NARF: variants seen among roughly 807,000 people sequenced by gnomAD.
The protein encoded by NARF is nuclear prelamin A recognition factor, also known as iron-only hydrogenase-like protein 2.
A neutral mutation model predicts 48.0 loss-of-function variants in NARF; 41 were observed. The observed-to-expected ratio is 0.85, with a 90% confidence interval of 0.66 to 1.11. The LOEUF (loss-of-function observed/expected upper bound fraction) is 1.11, where lower values mean the gene tolerates loss of function less well. Ranked by LOEUF, NARF falls within the 50% of genes least tolerant of loss-of-function variation. The pLI, the probability that NARF is intolerant of heterozygous loss-of-function variation, is 0.00. For missense variants in NARF, 613 were observed against 590.2 expected, an observed-to-expected ratio of 1.04 and a Z score of -0.40; for synonymous variants, 215 against 225.5, an observed-to-expected ratio of 0.95 and a Z score of 0.42.
chr17:82,471,475 A>G (rs1245396746), intron 4 of NARF, among the ~76,000 whole-genome samples: 1 of 147,084 alleles, frequency 6.8e-6, no homozygotes, highest in Non-Finnish European at 1.5e-5. Context: ...AAAAAAATTC[A>G]GTATAAAAAT....
chr17:82,479,154 G>A (rs1258808190), intron 6 of NARF: 2 of 378,184 alleles, frequency 5.3e-6, no homozygotes, highest in South Asian at 3.3e-5. Context: ...GTGGCATCTG[G>A]TGGTTTTCCT....
rs74398777 is a variant in NARF at position 82,479,010 on chromosome 17, G to A, written c.639+92G>A. ...AGGGGAGGTTCCCCATCTGTCCAGC[G>A]TGGTCACGGCCCCCCAGGTGAGCAA... is the stretch of plus-strand genomic sequence containing the variant. On this transcript the variant is annotated intron_variant, in intron 6 of 10. Transcript: ENST00000309794. 85 of 1,245,690 alleles carry A rather than the reference G, an allele frequency of 6.8e-5. 1 individual carries two copies. Among genetic ancestry groups the A allele is most frequent in the South Asian group, 1.9e-4 (13 of 69,124 alleles). 77.2% of individuals were successfully genotyped at this position (1,245,690 alleles called of 1,614,324 possible). A position where few individuals can be genotyped will look rare whatever the true frequency, so the allele number is the denominator to read the frequency against.
chr17:82,480,204 C>G (rs112561949), intron 6 of NARF, among the ~76,000 whole-genome samples: 1 of 152,210 alleles, frequency 6.6e-6, no homozygotes, highest in Admixed American at 6.5e-5. Context: ...GGCACCTGCT[C>G]TGTGTGGACC....
intron 4 of NARF, among the ~76,000 whole-genome samples, chr17:82,470,291 G>A (rs1025090334): frequency 3.9e-5 from 6 of 152,016 alleles, no homozygotes; most frequent in African/African-American, 9.7e-5. Flanking sequence ...ACGTTAGGTC[G>A]CTCCTTCATG....
At chr17:82,466,485 C>T (rs1468215133) in intron 3 of NARF, among the ~76,000 whole-genome samples, 3 of 152,102 alleles carry the variant, frequency 2.0e-5, no homozygotes, top group Non-Finnish European at 4.4e-5. Context: ...TGGAGTCTCT[C>T]ACTGTCTCTC....
At position 82,485,487 on chromosome 17, in the gene NARF, C is replaced by T; in HGVS notation, c.972-10C>T. The T allele has an allele frequency of 6.2e-7, 1 of 1,613,268 alleles. No homozygotes were observed. Among genetic ancestry groups the T allele is most frequent in the Non-Finnish European group, 8.5e-7 (1 of 1,179,526 alleles). On this transcript the variant is annotated splice_polypyrimidine_tract_variant and intron_variant, in intron 9 of 10. Transcript: ENST00000309794. Reference sequence around the variant, plus strand: ...TTGATGGATCAAAATTCTCTGTGTTCATTTTGTAGAAACAAAGACTTCCAA... The same window carrying T: ...TTGATGGATCAAAATTCTCTGTGTTTATTTTGTAGAAACAAAGACTTCCAA...
At chr17:82,465,340 A>T (rs925243493) in intron 3 of NARF, among the ~76,000 whole-genome samples, 6 of 152,182 alleles carry the variant, frequency 3.9e-5, no homozygotes, top group Non-Finnish European at 7.3e-5. Flanking sequence ...AAGGCAGATG[A>T]GGCTGAAAAG....
chr17:82,483,815 C>T (rs1263984190), intron 8 of NARF, 36 bp downstream of exon 8: 3 of 1,600,800 alleles, frequency 1.9e-6, no homozygotes, highest in Non-Finnish European at 1.7e-6. Context: ...CTCTGGGGGG[C>T]AGGACCTCTC....
rs753217018 is a variant in NARF at position 82,478,827 on chromosome 17, T to C, written c.548T>C (p.Leu183Pro). ...PGWVRYAERVLGRPITAHLCT... is the reference protein window; with the variant it reads ...PGWVRYAERVPGRPITAHLCT... ...TGGGTCCGATACGCCGAGCGGGTGC[T>C]GGGTCGCCCCATCACTGCCCACCTC... The change falls in exon 6 of 11, where the codon CTG (leucine) becomes CCG (proline). Residue 183 changes from leucine (L) to proline (P), a missense_variant. Coordinates refer to ENST00000309794, the MANE Select transcript of NARF (RefSeq NM_012336.4). 4.3e-6 allele frequency: 7 copies of C among 1,613,872 alleles called. No individual in the cohort carries two copies. The African/African-American group carries it at 9.3e-5, about 22-fold the overall frequency.
At position 82,485,568 on chromosome 17, in the gene NARF, G is replaced by A; in HGVS notation, c.1043G>A (p.Gly348Asp). The stretch of plus-strand genomic sequence containing the variant: ...GTGTTACGCTTTGCTGCAGCCTATG[G>A]CTTTCGAAACATCCAGAACATGATC... Reference protein sequence around the residue: ...EVVLRFAAAYGFRNIQNMILK... With the variant: ...EVVLRFAAAYDFRNIQNMILK... The change falls in exon 10 of 11, where the codon GGC becomes GAC. Residue 348 changes from glycine to aspartate, a missense_variant. Coordinates refer to ENST00000309794, the MANE Select transcript of NARF (RefSeq NM_012336.4). The A allele has an allele frequency of 6.2e-7, 1 of 1,614,244 alleles. No homozygotes were observed. Among genetic ancestry groups the A allele is most frequent in the South Asian group, 1.1e-5 (1 of 91,090 alleles).
intron 8 of NARF, 135 bp from the exon 9 acceptor site, chr17:82,484,678 T>C: frequency 3.6e-6 from 4 of 1,123,516 alleles, no homozygotes; most frequent in Non-Finnish European, 4.9e-6. Flanking sequence ...TTCTGCAAAG[T>C]TTAAACATCT....
At position 82,461,997 on chromosome 17, in the gene NARF, C is replaced by T. The variant is rs371119110; in HGVS notation, c.108+1925C>T. On this transcript the variant is annotated intron_variant, in intron 2 of 10. Transcript: ENST00000309794. ...AGCTGGGGCCAGTGCGCCTGAGTGGCCGACCCCAGGGGCCTCCCTCACCTG... is the reference window on the plus strand; with the variant it reads ...AGCTGGGGCCAGTGCGCCTGAGTGGTCGACCCCAGGGGCCTCCCTCACCTG... 2.3e-4 allele frequency among the ~76,000 whole-genome samples: 35 copies of T among 152,286 alleles called. 1 individual carries two copies. The East Asian group carries it at 4.1e-3, about 18-fold the overall frequency.
upstream of NARF, chr17:82,458,680 C>T (rs1200939276): frequency 6.1e-6 from 8 of 1,302,654 alleles, no homozygotes; most frequent in Admixed American, 2.0e-4. Flanking sequence ...CGAGCGCGGC[C>T]GTTGGGGGTG....
In NARF at chr17:82,484,872, A is replaced by T; in HGVS notation, c.893A>T (p.His298Leu). ...CATGATGGAGCCAGCTCAGACGGGC[A>T]CCTGGCACACATCTTCAGACATGCG... ...TRHDGASSDG[H>L]LAHIFRHAAK... Residue 298 changes from histidine to leucine, a missense_variant, in exon 9 of 11, where the codon CAC (histidine) becomes CTC (leucine). By Grantham distance (99) the His-to-Leu change is moderately conservative. Transcript: ENST00000309794. The T allele has an allele frequency of 6.2e-7, 1 of 1,613,386 alleles. No homozygotes were observed. Among genetic ancestry groups the T allele is most frequent in the Middle Eastern group, 1.7e-4 (1 of 6,054 alleles).
intron 3 of NARF, among the ~76,000 whole-genome samples, chr17:82,467,935 T>A (rs1335361863): frequency 1.3e-5 from 2 of 152,236 alleles, no homozygotes; most frequent in African/African-American, 4.8e-5. Context: ...ATTATTTATT[T>A]TTTCCAGATA....
intron 3 of NARF, among the ~76,000 whole-genome samples, chr17:82,464,799 A>G (rs1182414350): frequency 6.6e-6 from 1 of 152,080 alleles, no homozygotes; most frequent in Non-Finnish European, 1.5e-5. Flanking sequence ...CGGACACGAG[A>G]GTTATGTTCT....
At chr17:82,466,099 A>G (rs1457993606) in intron 3 of NARF, among the ~76,000 whole-genome samples, 2 of 152,204 alleles carry the variant, frequency 1.3e-5, no homozygotes, top group African/African-American at 2.4e-5. Flanking sequence ...GGCTTCAGCC[A>G]TTTTGTTACG....
chr17:82,485,275 GCC>G, intron 9 of NARF, among the ~76,000 whole-genome samples: 1 of 152,188 alleles, frequency 6.6e-6, no homozygotes, highest in African/African-American at 2.4e-5. Context: ...CAAAAAATTT[GCC>G]GAGTGTGGTG....
At chr17:82,471,740 C>T (rs983952942) in intron 4 of NARF, among the ~76,000 whole-genome samples, 8 of 138,164 alleles carry the variant, frequency 5.8e-5, no homozygotes, top group Middle Eastern at 3.8e-3. Flanking sequence ...TGCAGTGAGC[C>T]GGGATAGCGC....
Sources: allele counts gnomAD v4.1 joint callset (sites outside exome capture counted in the v4.1 genomes callset), GRCh38; gene constraint gnomAD v4.1.1; transcripts MANE v1.5; gene names NCBI Gene and HGNC (gene_info 2026-07-23, HGNC 2026-07-21).